Variants in DDX25 observed in about 807,000 individuals in gnomAD.
The protein encoded by DDX25 is ATP-dependent RNA helicase DDX25.
DDX25 carries 70 observed loss-of-function variants against 64.6 expected under a neutral mutation model. That is an observed-to-expected ratio of 1.08 (90% CI 0.89 to 1.32). The LOEUF (loss-of-function observed/expected upper bound fraction) is 1.32. Ranked by LOEUF, DDX25 falls within the 40% of genes most tolerant of loss-of-function variation. The pLI is 0.00. For synonymous variants in DDX25, 211 were observed against 213.3 expected (o/e 0.99, Z 0.09); for missense variants, 587 against 604.4 (o/e 0.97, Z 0.30).
At position 125,910,431 on chromosome 11, in the gene DDX25, A is replaced by T. The variant is rs1306195012; in HGVS notation, c.575A>T (p.Lys192Ile). Reference protein sequence around the residue: ...QTGRVVEQMGKFCVDVQVMYA... With the variant: ...QTGRVVEQMGIFCVDVQVMYA... ...GGCCGTGTGGTTGAGCAGATGGGAA[A>T]ATTCTGTGTGGATGTTCAAGTGATG... The change falls in exon 7 of 12, where the codon AAA becomes ATA. Residue 192 changes from lysine to isoleucine, a missense_variant. Transcript: ENST00000263576. 6 of 1,613,974 alleles carry T rather than the reference A, an allele frequency of 3.7e-6. No individual in the cohort carries two copies. Among genetic ancestry groups the T allele is most frequent in the Non-Finnish European group, 5.1e-6 (6 of 1,179,882 alleles).
chr11:125,906,140 G>T lies in DDX25; in HGVS notation c.242G>T (p.Arg81Leu), dbSNP rs986047421. Residue 81 changes from arginine (R) to leucine (L), a missense_variant, in exon 4 of 12, where the codon CGT becomes CTT. Coordinates refer to ENST00000263576, the MANE Select transcript of DDX25 (RefSeq NM_013264.5). ...CAATCCTTAGTAGAATCCAGTCACC[G>T]TGTGGAAGTTTTACAGAAGGATCCC... ...IHQSLVESSH[R>L]VEVLQKDPSS... 5.8e-6 allele frequency: 9 copies of T among 1,551,144 alleles called. 1 individual carries two copies. The highest frequency in any genetic ancestry group is 5.5e-5 in the African/African-American group (4 of 73,014).
rs1035829322 is a variant in DDX25 at position 125,926,311 on chromosome 11, C to G, written c.*3430C>G. The G allele has an allele frequency of 1.3e-5, 2 of 152,220 alleles. No individual in the cohort carries two copies. The highest frequency in any genetic ancestry group is 1.3e-4 in the Admixed American group (2 of 15,276). The allele number at this position is 152,220 out of a possible 1,614,324, so 9.4% of individuals were successfully genotyped here. On this transcript the variant is annotated 3_prime_UTR_variant, in exon 12 of 12. Coordinates refer to ENST00000263576, the MANE Select transcript of DDX25 (RefSeq NM_013264.5). Reference sequence around the variant, plus strand: ...AAGGGAGTAACAGAAAGGTCAGATCCTCTTCAATCCTAACCCTCTCACTTC... The same window carrying G: ...AAGGGAGTAACAGAAAGGTCAGATCGTCTTCAATCCTAACCCTCTCACTTC...
chr11:125,907,414 C>T (rs113412835), intron 4 of DDX25, among the ~76,000 whole-genome samples: 30 of 152,114 alleles, frequency 2.0e-4, no homozygotes, highest in African/African-American at 6.0e-4. Context: ...CGAGACCATC[C>T]TGGCTAACAC....
intron 8 of DDX25, among the ~76,000 whole-genome samples, chr11:125,912,190 T>G (rs1267503024): frequency 6.6e-6 from 1 of 152,214 alleles, no homozygotes; most frequent in Non-Finnish European, 1.5e-5. Context: ...AATAATATTT[T>G]CATACTGCTG....
chr11:125,908,029 A>G (rs990228001), intron 4 of DDX25, among the ~76,000 whole-genome samples, 167 bp from the exon 5 acceptor site: 2 of 152,186 alleles, frequency 1.3e-5, no homozygotes, highest in Non-Finnish European at 2.9e-5. Flanking sequence ...CTCTACAGGC[A>G]TGATTGTTTA....
intron 8 of DDX25, among the ~76,000 whole-genome samples, chr11:125,913,089 C>A (rs535776646): frequency 6.8e-6 from 1 of 146,986 alleles, no homozygotes; most frequent in Admixed American, 7.0e-5. Context: ...ACCCGGGAGG[C>A]GGAGCTTGCA....
At chr11:125,920,266 A>G (rs1203631300) in intron 10 of DDX25, among the ~76,000 whole-genome samples, 1 of 152,120 alleles carries the variant, frequency 6.6e-6, no homozygotes, top group African/African-American at 2.4e-5. Flanking sequence ...GTGAAACCCC[A>G]TCTCTACTAA....
At position 125,907,465 on chromosome 11, in the gene DDX25, A is replaced by C. The variant is rs371058663; in HGVS notation, c.312-731A>C. Among the ~76,000 whole-genome samples the C allele has an allele frequency of 7.2e-5, 11 of 152,122 alleles. No individual in the cohort carries two copies. The South Asian group carries it at 8.3e-4, about 12-fold the overall frequency. The stretch of plus-strand genomic sequence containing the variant: ...CTACTAAAAATACAAAAAATTAGCC[A>C]GGTGTGGTGGCGGGCGCCTGTAGTC... On this transcript the variant is annotated intron_variant, in intron 4 of 11. Coordinates refer to ENST00000263576, the MANE Select transcript of DDX25 (RefSeq NM_013264.5).
chr11:125,921,467 C>T lies in DDX25; in HGVS notation c.1390+88C>T. The stretch of plus-strand genomic sequence containing the variant: ...GCTGGAGAGCTGGAGTCCAGGGGCT[C>T]ATGAGAGTAGTAGAAGCAGAATGCA... On this transcript the variant is annotated intron_variant, in intron 11 of 11. Transcript: ENST00000263576. The surrounding 1 kb of genome is among the most constrained non-coding windows in gnomAD (Gnocchi z 4.1). 6.9e-7 allele frequency: 1 copy of T among 1,451,908 alleles called. No homozygotes were observed. Among genetic ancestry groups the T allele is most frequent in the Middle Eastern group, 1.9e-4 (1 of 5,332 alleles). 89.9% of individuals were successfully genotyped at this position (1,451,908 alleles called of 1,614,324 possible). A position where few individuals can be genotyped will look rare whatever the true frequency, so the allele number is the denominator to read the frequency against.
chr11:125,904,462 C>G (rs535221691), upstream of DDX25: 4 of 1,439,176 alleles, frequency 2.8e-6, no homozygotes, highest in South Asian at 4.3e-5. Context: ...GGGGCCAGCA[C>G]CGCCTCGCGC....
chr11:125,905,690 A>C, intron 3 of DDX25, 93 bp downstream of exon 3: 2 of 1,297,494 alleles, frequency 1.5e-6, no homozygotes, highest in Admixed American at 4.1e-5. Flanking sequence ...CTCAATTGGA[A>C]AAGGCCTGTC....
chr11:125,906,064 G>T lies in DDX25; in HGVS notation c.176-10G>T, dbSNP rs1454664153. The T allele has an allele frequency of 8.5e-6, 13 of 1,521,098 alleles. No homozygotes were observed. The Admixed American group carries it at 1.7e-4, about 20-fold the overall frequency. The allele number at this position is 1,521,098 out of a possible 1,614,324, so 94.2% of individuals were successfully genotyped here. A position where few individuals can be genotyped will look rare whatever the true frequency, so the allele number is the denominator to read the frequency against. ...GCTTGATGTCCTCTTTTTTATTTTT[G>T]CTTTTCTAGTGGATTTGGCAGCTAA... On this transcript the variant is annotated splice_polypyrimidine_tract_variant and intron_variant, in intron 3 of 11. Transcript: ENST00000263576.
upstream of DDX25, chr11:125,904,280 CCCTCCGCCCCGCTCTCTG>C: frequency 3.9e-5 from 2 of 51,078 alleles, no homozygotes; most frequent in Non-Finnish European, 7.1e-5. Context: ...CCGCTCTCTG[CCCTCCGCCCCGCTCTCTG>C]CCCTCCGCCC....
chr11:125,909,186 G>A (rs1351480779), intron 6 of DDX25, among the ~76,000 whole-genome samples: 1 of 152,186 alleles, frequency 6.6e-6, no homozygotes, highest in Non-Finnish European at 1.5e-5. Flanking sequence ...GTACCCATAT[G>A]CATTAAGTGC....
rs556365874 is a variant in DDX25 at position 125,921,789 on chromosome 11, T to C, written c.1390+410T>C. ...CTGTAGTCTCAGCTGCTGGAGAGGC[T>C]GAGGCAGGAGAATCGCTTGAACCCA... On this transcript the variant is annotated intron_variant, in intron 11 of 11. Coordinates refer to ENST00000263576, the MANE Select transcript of DDX25 (RefSeq NM_013264.5). The surrounding 1 kb of genome is among the most constrained non-coding windows in gnomAD (Gnocchi z 4.1). The C allele has an allele frequency of 6.3e-5, 10 of 158,688 alleles. No individual in the cohort carries two copies. The East Asian group carries it at 1.8e-3, about 28-fold the overall frequency. The allele number at this position is 158,688 out of a possible 1,614,324, so 9.8% of individuals were successfully genotyped here.
In DDX25 at chr11:125,921,193, A is replaced by T. The variant is rs770917582; in HGVS notation, c.1204A>T (p.Ile402Phe). The T allele has an allele frequency of 6.2e-6, 10 of 1,609,288 alleles. No individual in the cohort carries two copies. Among genetic ancestry groups the T allele is most frequent in the Non-Finnish European group, 7.6e-6 (9 of 1,178,354 alleles). ...CTACAGTGTTTTTCCTCTTCTAGGG[A>T]TTGATGTGAAGCAGGTCACAATTGT... Reference protein sequence around the residue: ...LITTNVCARGIDVKQVTIVVN... With the variant: ...LITTNVCARGFDVKQVTIVVN... Residue 402 changes from isoleucine (I) to phenylalanine (F), a missense_variant and splice_region_variant, in exon 11 of 12, where the codon ATT becomes TTT. Coordinates refer to ENST00000263576, the MANE Select transcript of DDX25 (RefSeq NM_013264.5). This position sits in a 1 kb window ranked among gnomAD's most constrained non-coding sequence, Gnocchi z 4.1.
intron 8 of DDX25, among the ~76,000 whole-genome samples, chr11:125,912,397 C>T (rs529741969): frequency 1.3e-4 from 20 of 152,222 alleles, no homozygotes; most frequent in South Asian, 1.2e-3. Context: ...AGCCAAACAG[C>T]GTATTATTAT....
intron 4 of DDX25, among the ~76,000 whole-genome samples, chr11:125,907,226 T>C (rs1944900046): frequency 6.6e-6 from 1 of 152,218 alleles, no homozygotes; most frequent in African/African-American, 2.4e-5. Flanking sequence ...CCAGACATTT[T>C]CTAAATGGTA....
chr11:125,910,548 T>C, intron 7 of DDX25, 70 bp downstream of exon 7: 3 of 1,364,228 alleles, frequency 2.2e-6, no homozygotes, highest in Non-Finnish European at 3.1e-6. Context: ...GCATTTTATA[T>C]AACTTCTTGG....
Sources: allele counts gnomAD v4.1 joint callset (sites outside exome capture counted in the v4.1 genomes callset), GRCh38; gene constraint gnomAD v4.1.1; non-coding constraint Gnocchi (gnomAD v3.1); transcripts MANE v1.5; gene names NCBI Gene and HGNC (gene_info 2026-07-23, HGNC 2026-07-21).